The following CAST variants were observed in gnomAD, a reference collection of about 807,000 sequenced individuals.
CAST encodes MIR583 host.
CAST carries 76 observed loss-of-function variants against 119.6 expected under a neutral mutation model. That is an observed-to-expected ratio of 0.64 (90% CI 0.53 to 0.77). The LOEUF (loss-of-function observed/expected upper bound fraction) is 0.77. Among genes scored for constraint, CAST ranks in the 30% least tolerant of loss-of-function variants. CAST has a pLI of 0.00. For synonymous variants in CAST, 319 were observed against 331.6 expected (o/e 0.96, Z 0.41); for missense variants, 953 against 946.5 (o/e 1.01, Z -0.09).
At position 96,774,419 on chromosome 5, in the gene CAST, A is replaced by G; in HGVS notation, c.*1803A>G. 32 of 693,306 alleles carry G rather than the reference A, an allele frequency of 4.6e-5. No homozygotes were observed. Among genetic ancestry groups the G allele is most frequent in the Non-Finnish European group, 5.7e-5 (32 of 560,998 alleles). The allele number at this position is 693,306 out of a possible 1,614,324, so 42.9% of individuals were successfully genotyped here. A position where few individuals can be genotyped will look rare whatever the true frequency, so the allele number is the denominator to read the frequency against. Reference sequence around the variant, plus strand: ...TAATAACTAATAACTGGAGTAAGCTACAGGATCTAAAGCAGCCCTTTTTAC... The same window carrying G: ...TAATAACTAATAACTGGAGTAAGCTGCAGGATCTAAAGCAGCCCTTTTTAC... On this transcript the variant is annotated 3_prime_UTR_variant, in exon 32 of 32. Coordinates refer to ENST00000675179, the MANE Select transcript of CAST (RefSeq NM_001750.7).
the CAST span, among the ~76,000 whole-genome samples, chr5:96,290,273 C>T: frequency 1.3e-5 from 2 of 152,142 alleles, no homozygotes; most frequent in East Asian, 1.9e-4. Flanking sequence ...AAAATTCTCC[C>T]TTAGTCATTG....
At chr5:96,408,148 T>C in the CAST span, 1 of 1,049,320 alleles carries the variant, frequency 9.5e-7, no homozygotes, top group Non-Finnish European at 1.5e-6. Flanking sequence ...AACCATGTAT[T>C]CAGAAAAAAA....
intron 1 of CAST, among the ~76,000 whole-genome samples, chr5:96,600,867 G>A (rs1747137229): frequency 6.6e-6 from 1 of 152,128 alleles, no homozygotes; most frequent in African/African-American, 2.4e-5. Flanking sequence ...TTATTCTAAA[G>A]TTTGAAGATT....
At chr5:96,506,317 A>G in the CAST span, among the ~76,000 whole-genome samples, 1 of 145,238 alleles carries the variant, frequency 6.9e-6, no homozygotes, top group Non-Finnish European at 1.6e-5. Flanking sequence ...GCACCTACTA[A>G]TGTTTTAAAG....
the CAST span, among the ~76,000 whole-genome samples, chr5:96,372,588 C>G: frequency 3.9e-5 from 6 of 152,134 alleles, no homozygotes; most frequent in South Asian, 2.1e-4. Context: ...AACAAGCAAG[C>G]CTGATCCCAG....
the CAST span, among the ~76,000 whole-genome samples, chr5:96,237,263 C>T: frequency 1.3e-5 from 2 of 152,106 alleles, no homozygotes; most frequent in Non-Finnish European, 2.9e-5. Flanking sequence ...GAGGAGGGTT[C>T]TGGAATGGTG....
chr5:96,045,525 C>T, the CAST span, among the ~76,000 whole-genome samples: 2 of 152,072 alleles, frequency 1.3e-5, no homozygotes, highest in African/African-American at 4.8e-5. Context: ...TTGCTAGGTA[C>T]TGTCCAGTCA....
At chr5:96,029,203 A>G in the CAST span, among the ~76,000 whole-genome samples, 3 of 152,174 alleles carry the variant, frequency 2.0e-5, no homozygotes. Context: ...TTCAAAACGT[A>G]CAATAGCAGT....
the CAST span, among the ~76,000 whole-genome samples, chr5:96,040,353 A>C: frequency 2.4e-4 from 37 of 152,236 alleles, no homozygotes; most frequent in African/African-American, 8.7e-4. Flanking sequence ...TCCTATTTGA[A>C]TACCTTGTAT....
At chr5:96,287,623 A>G in the CAST span, among the ~76,000 whole-genome samples, 1 of 152,152 alleles carries the variant, frequency 6.6e-6, no homozygotes. Flanking sequence ...GTTAAATATA[A>G]GAACTATATA....
At chr5:96,274,672 A>G in the CAST span, among the ~76,000 whole-genome samples, 2 of 152,218 alleles carry the variant, frequency 1.3e-5, no homozygotes, top group Non-Finnish European at 1.5e-5. Context: ...ATGAGAAGAG[A>G]GGAAGATAAC....
chr5:96,269,456 A>G, the CAST span, among the ~76,000 whole-genome samples: 3 of 152,198 alleles, frequency 2.0e-5, no homozygotes, highest in Non-Finnish European at 4.4e-5. Flanking sequence ...ACATGAGAAC[A>G]AATGAGCCTA....
chr5:96,768,110 G>A (rs1296327294), intron 29 of CAST, 111 bp downstream of exon 29: 2 of 768,942 alleles, frequency 2.6e-6, no homozygotes, highest in Non-Finnish European at 2.3e-6. Flanking sequence ...TTGTAACAGG[G>A]TCTTACTCTA....
the CAST span, among the ~76,000 whole-genome samples, chr5:96,419,731 C>T: frequency 0.025 from 3,736 of 151,856 alleles, 151 homozygotes; most frequent in African/African-American, 0.086. Flanking sequence ...TGGGCTGCTT[C>T]CCTAGGGCCT....
chr5:96,392,763 C>G, the CAST span: 1 of 561,756 alleles, frequency 1.8e-6, no homozygotes, highest in Non-Finnish European at 3.2e-6. Context: ...GAACAAAACA[C>G]TTCACTTGTG....
At chr5:96,524,200 C>T (rs1248033065), upstream of CAST, among the ~76,000 whole-genome samples, 1 of 152,218 alleles carries the variant, frequency 6.6e-6, no homozygotes, top group Non-Finnish European at 1.5e-5. Context: ...AGTTCCCTTC[C>T]TCATACTGAA....
At chr5:96,320,516 G>A in the CAST span, among the ~76,000 whole-genome samples, 1 of 152,138 alleles carries the variant, frequency 6.6e-6, no homozygotes, top group African/African-American at 2.4e-5. Context: ...GGGATTACAG[G>A]CGTGAGTCAC....
upstream of CAST, among the ~76,000 whole-genome samples, chr5:96,526,667 A>G (rs1186424660): frequency 2.0e-5 from 3 of 152,200 alleles, no homozygotes; most frequent in African/African-American, 7.2e-5. Flanking sequence ...CCCTATTGCC[A>G]TTAAAAATTA....
intron 2 of CAST, among the ~76,000 whole-genome samples, chr5:96,676,442 T>C (rs1750718877): frequency 6.6e-6 from 1 of 152,194 alleles, no homozygotes; most frequent in African/African-American, 2.4e-5. Context: ...TTTCTGCTTA[T>C]TTTCTGCAGT....
Sources: gnomAD v4.1 joint callset for allele counts (sites outside exome capture counted in the v4.1 genomes callset) on GRCh38, gnomAD v4.1.1 for gene constraint, MANE v1.5 for transcripts, NCBI Gene and HGNC (gene_info 2026-07-23, HGNC 2026-07-21) for gene names.